TDRD15: variants seen among roughly 807,000 people sequenced by gnomAD.
TDRD15 encodes tudor domain-containing protein 15.
For synonymous variants in TDRD15, 503 were observed against 314.5 expected, an observed-to-expected ratio of 1.60 and a Z score of -6.34; for missense variants, 1,416 against 904.7, an observed-to-expected ratio of 1.57 and a Z score of -7.25.
rs773592932 is a variant in TDRD15, at chr2:21,141,887, A to G, written c.4420A>G (p.Lys1474Glu). ...ACTACTGAAATGGAAAGCATGTTCA[A>G]AACTGCAGAAGTCAGCATTGCAGAT... ...NELLKWKACS[K>E]LQKSALQMPQ... Residue 1474 changes from lysine to glutamate, a missense_variant, in exon 4 of 4, where the codon AAA becomes GAA. Physicochemically the swap from Lys to Glu is moderately conservative, Grantham distance 56. Coordinates refer to ENST00000405799, the MANE Select transcript of TDRD15 (RefSeq NM_001306137.2). 4 of 715,488 alleles carry G rather than the reference A, an allele frequency of 5.6e-6. No homozygotes were observed. The South Asian group carries it at 5.9e-5, about 11-fold the overall frequency. The allele number at this position is 715,488 out of a possible 1,614,324, so 44.3% of individuals were successfully genotyped here. A position where few individuals can be genotyped will look rare whatever the true frequency, so the allele number is the denominator to read the frequency against.
Position 21,140,370 on chromosome 2 carries a change from A to T in TDRD15, c.2903A>T (p.Glu968Val), listed in dbSNP as rs527309025. ...AATATACAAATTGGAAGTGAAGAAGAAGTATATATATCTCACATATATAGT... is the reference window on the plus strand; with the variant it reads ...AATATACAAATTGGAAGTGAAGAAGTAGTATATATATCTCACATATATAGT... The part of the protein sequence containing the change: ...SFNIQIGSEE[E>V]VYISHIYSPQ... Residue 968 changes from glutamate (E) to valine (V), a missense_variant, in exon 4 of 4, where the codon GAA (glutamate) becomes GTA (valine). By Grantham distance (121) the Glu-to-Val change is moderately radical. Transcript: ENST00000405799. 8 of 704,826 alleles carry T rather than the reference A, an allele frequency of 1.1e-5. No homozygotes were observed. Among genetic ancestry groups the T allele is most frequent in the African/African-American group, 1.1e-4 (6 of 56,484 alleles). The allele number at this position is 704,826 out of a possible 1,614,324, so 43.7% of individuals were successfully genotyped here. A position where few individuals can be genotyped will look rare whatever the true frequency, so the allele number is the denominator to read the frequency against.
In TDRD15 at chr2:21,126,331, A is replaced by G. The variant is rs79232807; in HGVS notation, c.-200-1270A>G. ...TGTGTTTCAGCATAATTACTTTGAG[A>G]ATCATCCATGTTTTTATGAGTATCA... On this transcript the variant is annotated intron_variant, in intron 1 of 3. Coordinates refer to ENST00000405799, the MANE Select transcript of TDRD15 (RefSeq NM_001306137.2). 6.8e-4 allele frequency among the ~76,000 whole-genome samples: 103 copies of G among 151,872 alleles called. 2 individuals carry two copies. The East Asian group carries it at 0.019, about 28-fold the overall frequency.
Position 21,139,372 on chromosome 2 carries a change from C to G in TDRD15, c.1905C>G (p.Asp635Glu), listed in dbSNP as rs1293807882. Reference sequence around the variant, plus strand: ...TTCAGGTTATAGCAAAAAAAGATGACAAGTACACTGTAAATATTCAAAGTG... The same window carrying G: ...TTCAGGTTATAGCAAAAAAAGATGAGAAGTACACTGTAAATATTCAAAGTG... The part of the protein sequence containing the change: ...ILLQVIAKKD[D>E]KYTVNIQSVE... The change falls in exon 4 of 4, where the codon GAC becomes GAG. Residue 635 changes from aspartate (D) to glutamate (E), a missense_variant. By Grantham distance (45) the Asp-to-Glu change is conservative (BLOSUM62 2). Coordinates refer to ENST00000405799, the MANE Select transcript of TDRD15 (RefSeq NM_001306137.2). 8 of 707,466 alleles carry G rather than the reference C, an allele frequency of 1.1e-5. No individual in the cohort carries two copies. In the East Asian group the frequency reaches 1.9e-4, roughly 17 times the overall value. The allele number at this position is 707,466 out of a possible 1,614,324, so 43.8% of individuals were successfully genotyped here.
chr2:21,145,710 C>T (rs528484193), downstream of TDRD15, among the ~76,000 whole-genome samples: 20 of 151,984 alleles, frequency 1.3e-4, no homozygotes, highest in South Asian at 1.7e-3. Context: ...AACAAGAAAA[C>T]GACATTAAAA....
chr2:21,132,995 A>C (rs777127462), intron 2 of TDRD15, among the ~76,000 whole-genome samples: 6 of 152,118 alleles, frequency 3.9e-5, no homozygotes, highest in African/African-American at 7.2e-5. Context: ...TACCTCAGTT[A>C]AGACAACTAA....
rs1450987784 is a variant in TDRD15, at chr2:21,139,040, G to A, written c.1573G>A (p.Asp525Asn). 2 of 714,498 alleles carry A rather than the reference G, an allele frequency of 2.8e-6. No individual in the cohort carries two copies. The highest frequency in any genetic ancestry group is 5.2e-6 in the Non-Finnish European group (2 of 383,792). 44.3% of individuals were successfully genotyped at this position (714,498 alleles called of 1,614,324 possible). A position where few individuals can be genotyped will look rare whatever the true frequency, so the allele number is the denominator to read the frequency against. ...CAAATTTTATGATTTGTGTGAAAACGATGAAATGATTCTAAGAAAACCTGA... is the reference window on the plus strand; with the variant it reads ...CAAATTTTATGATTTGTGTGAAAACAATGAAATGATTCTAAGAAAACCTGA... ...INKFYDLCEN[D>N]EMILRKPEPG... Residue 525 changes from aspartate to asparagine, a missense_variant, in exon 4 of 4, where the codon GAT becomes AAT. By Grantham distance (23) the Asp-to-Asn change is conservative. Transcript: ENST00000405799.
rs1243445945 is a variant in TDRD15 at position 21,142,087 on chromosome 2, A to G, written c.4620A>G (p.Gly1540=). 5.8e-6 allele frequency: 4 copies of G among 693,946 alleles called. No individual in the cohort carries two copies. Among genetic ancestry groups the G allele is most frequent in the African/African-American group, 1.8e-5 (1 of 55,570 alleles). The allele number at this position is 693,946 out of a possible 1,614,324, so 43.0% of individuals were successfully genotyped here. A position where few individuals can be genotyped will look rare whatever the true frequency, so the allele number is the denominator to read the frequency against. Residue 1540 remains glycine (G), a synonymous_variant, in exon 4 of 4, where the codon GGA becomes GGG. Coordinates refer to ENST00000405799, the MANE Select transcript of TDRD15 (RefSeq NM_001306137.2). ...KAEMLNVSKS[G]RFYVKLSKNK... ...AAATGCTTAATGTTTCAAAAAGTGG[A>G]AGATTTTATGTGAAGTTATCCAAAA...
At position 21,139,398 on chromosome 2, in the gene TDRD15, T is replaced by G. The variant is rs1201184059; in HGVS notation, c.1931T>G (p.Val644Gly). 1 of 712,154 alleles carries G rather than the reference T, an allele frequency of 1.4e-6. No individual in the cohort carries two copies. Among genetic ancestry groups the G allele is most frequent in the East Asian group, 2.7e-5 (1 of 37,230 alleles). The allele number at this position is 712,154 out of a possible 1,614,324, so 44.1% of individuals were successfully genotyped here. A position where few individuals can be genotyped will look rare whatever the true frequency, so the allele number is the denominator to read the frequency against. The change falls in exon 4 of 4, where the codon GTT (valine) becomes GGT (glycine). Residue 644 changes from valine to glycine, a missense_variant. Physicochemically the swap from Val to Gly is moderately radical, Grantham distance 109. Transcript: ENST00000405799. ...DDKYTVNIQS[V>G]EASENIDVIS... ...AAGTACACTGTAAATATTCAAAGTG[T>G]TGAAGCCTCAGAAAATATTGATGTT...
chr2:21,127,887 G>T (rs1010707605), intron 2 of TDRD15, among the ~76,000 whole-genome samples, 176 bp downstream of exon 2: 71 of 152,284 alleles, frequency 4.7e-4, no homozygotes, highest in African/African-American at 1.6e-3. Context: ...ACTTTGGGGA[G>T]AATTGATACC....
At chr2:21,124,727 T>C (rs1488760642) in intron 1 of TDRD15, among the ~76,000 whole-genome samples, 5 of 135,768 alleles carry the variant, frequency 3.7e-5, no homozygotes, top group African/African-American at 5.7e-5. Flanking sequence ...GTGATCCTAA[T>C]GCCAGGGTGT....
In TDRD15 at chr2:21,143,928, A is replaced by G. The variant is rs1665989165; in HGVS notation, c.*656A>G. 6.6e-6 allele frequency among the ~76,000 whole-genome samples: 1 copy of G among 151,772 alleles called. No homozygotes were observed. The highest frequency in any genetic ancestry group is 6.6e-5 in the Admixed American group (1 of 15,196). On this transcript the variant is annotated 3_prime_UTR_variant, in exon 4 of 4. Coordinates refer to ENST00000405799, the MANE Select transcript of TDRD15 (RefSeq NM_001306137.2). The stretch of plus-strand genomic sequence containing the variant: ...AAAGATTTTAACCACACATGCATGC[A>G]CACACGCATGACGTTTCACAAATAA...
rs1243170204 is a variant in TDRD15 at position 21,137,567 on chromosome 2, A to G, written c.100A>G (p.Ile34Val). ...PKDILVKFQG[I>V]KSNECEFDYH... ...GGATATTCTGGTGAAATTTCAAGGC[A>G]TAAAGAGTAATGAATGTGAGTTTGA... The change falls in exon 4 of 4, where the codon ATA (isoleucine) becomes GTA (valine). Residue 34 changes from isoleucine to valine, a missense_variant. Transcript: ENST00000405799. The G allele has an allele frequency of 1.4e-6, 1 of 715,428 alleles. No individual in the cohort carries two copies. Among genetic ancestry groups the G allele is most frequent in the Non-Finnish European group, 2.6e-6 (1 of 384,126 alleles). 44.3% of individuals were successfully genotyped at this position (715,428 alleles called of 1,614,324 possible).
Position 21,139,409 on chromosome 2 carries a change from G to T in TDRD15, c.1942G>T (p.Glu648Ter). Residue 648 changes from glutamate to a stop codon, truncating the protein, a stop_gained, in exon 4 of 4, where the codon GAA becomes TAA. Coordinates refer to ENST00000405799, the MANE Select transcript of TDRD15 (RefSeq NM_001306137.2). LOFTEE classifies it low-confidence loss of function (END_TRUNC). ...AAATATTCAAAGTGTTGAAGCCTCA[G>T]AAAATATTGATGTTATCTCTCTTAT... Reference protein sequence around the residue: ...TVNIQSVEASENIDVISLMLQ... With the variant: ...TVNIQSVEAS 1.4e-6 allele frequency: 1 copy of T among 712,592 alleles called. No individual in the cohort carries two copies. The highest frequency in any genetic ancestry group is 2.6e-6 in the Non-Finnish European group (1 of 383,354). 44.1% of individuals were successfully genotyped at this position (712,592 alleles called of 1,614,324 possible).
chr2:21,138,258 C>A lies in TDRD15; in HGVS notation c.791C>A (p.Thr264Asn), dbSNP rs1665850124. 1 of 716,238 alleles carries A rather than the reference C, an allele frequency of 1.4e-6. No homozygotes were observed. Among genetic ancestry groups the A allele is most frequent in the Non-Finnish European group, 2.6e-6 (1 of 384,330 alleles). 44.4% of individuals were successfully genotyped at this position (716,238 alleles called of 1,614,324 possible). A position where few individuals can be genotyped will look rare whatever the true frequency, so the allele number is the denominator to read the frequency against. The change falls in exon 4 of 4, where the codon ACT becomes AAT. Residue 264 changes from threonine to asparagine, a missense_variant. Transcript: ENST00000405799. ...SKFYCQLIKW[T>N]PELENLTAHM... ...TTTTATTGTCAGTTAATTAAATGGA[C>A]TCCAGAGCTAGAAAACTTGACAGCA...
intron 1 of TDRD15, 101 bp from the exon 2 acceptor site, chr2:21,127,500 C>T (rs1665621615): frequency 6.6e-6 from 1 of 151,968 alleles, no homozygotes; most frequent in African/African-American, 2.4e-5. Context: ...CAGTTTTTTT[C>T]CCTCTTTTAA....
At chr2:21,131,922 G>A (rs1391699518) in intron 2 of TDRD15, among the ~76,000 whole-genome samples, 2 of 152,106 alleles carry the variant, frequency 1.3e-5, no homozygotes, top group Non-Finnish European at 2.9e-5. Context: ...AGAACCACTA[G>A]TTTAATATAA....
At chr2:21,129,835 T>C (rs1346123419) in intron 2 of TDRD15, among the ~76,000 whole-genome samples, 1 of 152,194 alleles carries the variant, frequency 6.6e-6, no homozygotes, top group Non-Finnish European at 1.5e-5. Flanking sequence ...GGGTAATATA[T>C]AAAGAAAAGG....
At chr2:21,145,389 A>G (rs1042682599), downstream of TDRD15, among the ~76,000 whole-genome samples, 2 of 151,928 alleles carry the variant, frequency 1.3e-5, no homozygotes, top group Middle Eastern at 3.2e-3. Context: ...TAGGTCCTTT[A>G]CTATTCCCAT....
chr2:21,127,515 A>C (rs1292765855), intron 1 of TDRD15, 86 bp from the exon 2 acceptor site: 5 of 152,168 alleles, frequency 3.3e-5, no homozygotes, highest in South Asian at 2.1e-4. Context: ...TTTTAAGCGT[A>C]TGGCTATCCA....
Sources: gnomAD v4.1 joint callset for allele counts (sites outside exome capture counted in the v4.1 genomes callset) on GRCh38, gnomAD v4.1.1 for gene constraint, MANE v1.5 for transcripts, NCBI Gene and HGNC (gene_info 2026-07-23, HGNC 2026-07-21) for gene names.